ELMO1: variants seen among roughly 807,000 people sequenced by gnomAD.
The protein encoded by ELMO1 is engulfment and cell motility 1, also known as engulfment and cell motility protein 1.
In ELMO1, 26 loss-of-function variants were observed where a neutral mutation model predicts 98.9. The ratio of observed to expected loss-of-function variants is 0.26; its 90% confidence interval spans 0.19 to 0.36. The LOEUF (loss-of-function observed/expected upper bound fraction) is 0.36. Ranked by LOEUF, ELMO1 falls within the 10% of genes least tolerant of loss-of-function variation. The pLI is 1.00. For missense variants in ELMO1, 627 were observed against 935.2 expected (o/e 0.67, Z 4.30); for synonymous variants, 346 against 346.0 (o/e 1.00, Z 0.00).
chr7:37,209,233 C>T (rs10260079), intron 13 of ELMO1, among the ~76,000 whole-genome samples: 29,689 of 151,980 alleles, frequency 0.2, 3,227 homozygotes, highest in Middle Eastern at 0.28. Flanking sequence ...TAGCACACAC[C>T]CCCATTACAG....
intron 1 of ELMO1, among the ~76,000 whole-genome samples, chr7:37,412,372 T>C (rs1176328035): frequency 6.6e-6 from 1 of 152,192 alleles, no homozygotes; most frequent in African/African-American, 2.4e-5. Flanking sequence ...CCCTGACTTC[T>C]ACTTTATCTG....
In ELMO1 at chr7:37,278,113, C is replaced by CTTTTTTT. The variant is rs36110041; in HGVS notation, c.193-6238_193-6232dup. 1.8e-3 allele frequency among the ~76,000 whole-genome samples: 157 copies of CTTTTTTT among 85,556 alleles called. 2 individuals are homozygous for CTTTTTTT. Among genetic ancestry groups the CTTTTTTT allele is most frequent in the African/African-American group, 6.0e-3 (129 of 21,324 alleles). The allele number at this position is 85,556 out of a possible 152,430, so 56.1% of individuals were successfully genotyped here. On this transcript the variant is annotated intron_variant, in intron 4 of 21. Transcript: ENST00000310758. ...ACTTTACTTTCTGTGATAGCTTTTC[C>CTTTTTTT]TTTTTTTTTTTTTTTTTTTTTTTGG...
intron 15 of ELMO1, among the ~76,000 whole-genome samples, chr7:37,074,731 C>G (rs1797470417): frequency 6.6e-6 from 1 of 152,118 alleles, no homozygotes; most frequent in Admixed American, 6.5e-5. Flanking sequence ...CCAGAAGCAG[C>G]TAGGGAGAGA....
chr7:37,133,581 G>A (rs779308479), intron 13 of ELMO1, among the ~76,000 whole-genome samples: 6 of 152,126 alleles, frequency 3.9e-5, no homozygotes, highest in Non-Finnish European at 7.4e-5. Context: ...CATTTGGGTA[G>A]AAAAAAACTG....
intron 15 of ELMO1, among the ~76,000 whole-genome samples, chr7:37,095,884 T>C (rs1439944536): frequency 1.3e-5 from 2 of 152,224 alleles, no homozygotes; most frequent in African/African-American, 4.8e-5. Flanking sequence ...CGGAAAGATT[T>C]ATATGTGTGC....
chr7:37,056,892 T>A (rs1432942618), intron 15 of ELMO1, among the ~76,000 whole-genome samples: 1 of 152,208 alleles, frequency 6.6e-6, no homozygotes, highest in Admixed American at 6.5e-5. Context: ...CACCTCTGAA[T>A]AGGTTCTCTC....
At chr7:37,445,796 T>C (rs1805589322) in intron 1 of ELMO1, among the ~76,000 whole-genome samples, 1 of 152,208 alleles carries the variant, frequency 6.6e-6, no homozygotes, top group South Asian at 2.1e-4. Context: ...CACTTCCATA[T>C]TGTAGGAGAG....
intron 16 of ELMO1, among the ~76,000 whole-genome samples, chr7:36,897,296 A>C (rs79849349): frequency 0.022 from 3,203 of 146,824 alleles, 56 homozygotes; most frequent in Non-Finnish European, 0.036. Context: ...TAATGAGACC[A>C]ATGTCAGTAG....
chr7:37,027,551 C>T (rs1170381131), intron 15 of ELMO1, among the ~76,000 whole-genome samples: 2 of 152,126 alleles, frequency 1.3e-5, no homozygotes, highest in Admixed American at 6.6e-5. Context: ...CATGCTTTTG[C>T]TAATGTGAGA....
At chr7:36,925,065 T>C (rs1389161426) in intron 16 of ELMO1, among the ~76,000 whole-genome samples, 1 of 152,080 alleles carries the variant, frequency 6.6e-6, no homozygotes, top group African/African-American at 2.4e-5. Context: ...CGTTGTACAA[T>C]GCACAGGACA....
chr7:37,427,255 G>A lies in ELMO1; in HGVS notation c.-74+21420C>T, dbSNP rs560166827. 3.9e-5 allele frequency among the ~76,000 whole-genome samples: 6 copies of A among 152,324 alleles called. No homozygotes were observed. The East Asian group carries it at 7.7e-4, about 20-fold the overall frequency. ...CAGTGACATCTCTGTGATGTGCTACGTTAGCTGAGATATGAGGAGGCATTT... is the reference window on the plus strand; with the variant it reads ...CAGTGACATCTCTGTGATGTGCTACATTAGCTGAGATATGAGGAGGCATTT... On this transcript the variant is annotated intron_variant, in intron 1 of 21. Transcript: ENST00000310758.
chr7:37,044,065 C>T (rs1795673290), intron 15 of ELMO1, among the ~76,000 whole-genome samples: 1 of 152,042 alleles, frequency 6.6e-6, no homozygotes, highest in Admixed American at 6.5e-5. Context: ...CTCTAGAGCC[C>T]ACTCATTTTA....
intron 8 of ELMO1, among the ~76,000 whole-genome samples, chr7:37,227,606 G>A (rs1296556930): frequency 2.6e-5 from 4 of 151,878 alleles, no homozygotes; most frequent in African/African-American, 7.3e-5. Flanking sequence ...GGCTGATATC[G>A]AACTCCTGAC....
At chr7:36,946,807 G>C (rs144384538) in intron 16 of ELMO1, among the ~76,000 whole-genome samples, 13 of 151,836 alleles carry the variant, frequency 8.6e-5, no homozygotes, top group Non-Finnish European at 1.5e-4. Context: ...CTTCTTCCTC[G>C]GTGAGATCAT....
At chr7:37,253,485 C>T (rs1360832576) in intron 6 of ELMO1, among the ~76,000 whole-genome samples, 1 of 152,118 alleles carries the variant, frequency 6.6e-6, no homozygotes, top group East Asian at 1.9e-4. Flanking sequence ...GAGCGGAAAA[C>T]CAAACACCGC....
intron 16 of ELMO1, among the ~76,000 whole-genome samples, chr7:36,931,594 C>T (rs1024180449): frequency 3.9e-5 from 6 of 152,094 alleles, no homozygotes; most frequent in Non-Finnish European, 8.8e-5. Flanking sequence ...AGCGAGACTC[C>T]GTCTCAAAAA....
intron 15 of ELMO1, among the ~76,000 whole-genome samples, chr7:37,035,772 C>A (rs1339623740): frequency 6.6e-6 from 1 of 152,320 alleles, no homozygotes; most frequent in East Asian, 1.9e-4. Flanking sequence ...TCATTTTTCA[C>A]TGTAATACAC....
At chr7:37,171,481 CTATTTTTTTTT>C (rs1428046323) in intron 13 of ELMO1, among the ~76,000 whole-genome samples, 11 of 44,298 alleles carry the variant, frequency 2.5e-4, no homozygotes, top group East Asian at 6.7e-4. Flanking sequence ...CCAGGCCTTT[CTATTTTTTTTT>C]TTTTTTTTTT....
At chr7:37,094,702 C>G (rs1179736228) in intron 15 of ELMO1, among the ~76,000 whole-genome samples, 1 of 152,182 alleles carries the variant, frequency 6.6e-6, no homozygotes, top group Non-Finnish European at 1.5e-5. Context: ...TCCCATAGAG[C>G]TCCTCTCACT....
Sources: allele counts gnomAD v4.1 joint callset (sites outside exome capture counted in the v4.1 genomes callset), GRCh38; gene constraint gnomAD v4.1.1; transcripts MANE v1.5; gene names NCBI Gene and HGNC (gene_info 2026-07-23, HGNC 2026-07-21).